Variants in VPS13C observed in about 807,000 individuals in gnomAD.
The protein encoded by VPS13C is vacuolar protein sorting 13 homolog C.
A neutral mutation model predicts 456.8 loss-of-function variants in VPS13C; 358 were observed. The ratio of observed to expected loss-of-function variants is 0.78; its 90% CI spans 0.72 to 0.86. The LOEUF (loss-of-function observed/expected upper bound fraction) is 0.86. Among genes scored for constraint, VPS13C ranks in the 40% least tolerant of loss-of-function variants. The pLI, the probability that VPS13C is intolerant of heterozygous loss-of-function variation, is 0.00. For missense variants in VPS13C, 4,818 were observed against 4,385.4 expected (o/e 1.10, Z -2.79); for synonymous variants, 1,578 against 1,486.7 (o/e 1.06, Z -1.41).
In VPS13C at chr15:61,909,099, G is replaced by A; in HGVS notation, c.8871C>T (p.Asn2957=). Residue 2957 remains asparagine (N), a synonymous_variant, in exon 65 of 85, where the codon AAC becomes AAT. Transcript: ENST00000644861. ...DLNGGILVDV[N]TAEHSTVITF... Reference sequence around the variant, plus strand: ...TTATGACAGTTGAATGTTCGGCAGTGTTTACATCCACCAAGATACCCCCAT... The same window carrying A: ...TTATGACAGTTGAATGTTCGGCAGTATTTACATCCACCAAGATACCCCCAT... 2.5e-6 allele frequency: 4 copies of A among 1,612,976 alleles called. 1 individual carries two copies. The highest frequency in any genetic ancestry group is 1.7e-6 in the Non-Finnish European group (2 of 1,179,770).
intron 3 of VPS13C, among the ~76,000 whole-genome samples, chr15:62,040,181 G>C (rs1377281075): frequency 6.6e-6 from 1 of 152,136 alleles, no homozygotes; most frequent in Non-Finnish European, 1.5e-5. Context: ...CATGGAGACA[G>C]AGAGTAGAAC....
chr15:61,883,764 A>G (rs1487654916), intron 68 of VPS13C, among the ~76,000 whole-genome samples: 3 of 152,144 alleles, frequency 2.0e-5, no homozygotes, highest in African/African-American at 4.8e-5. Context: ...TATTGGTGTC[A>G]TTCAAAATAT....
At chr15:61,990,294 G>A (rs2046184249) in intron 18 of VPS13C, among the ~76,000 whole-genome samples, 1 of 152,026 alleles carries the variant, frequency 6.6e-6, no homozygotes, top group African/African-American at 2.4e-5. Context: ...GACTTCTAAG[G>A]TGACAGCAAT....
chr15:61,855,071 T>C (rs1893832647), intron 83 of VPS13C, 117 bp from the exon 84 acceptor site: 5 of 733,498 alleles, frequency 6.8e-6, no homozygotes, highest in Non-Finnish European at 1.1e-5. Context: ...GCTAACCAAA[T>C]ACACATATTC....
At chr15:61,962,889 C>A in intron 32 of VPS13C, 37 bp from the exon 33 acceptor site, 1 of 1,391,448 alleles carries the variant, frequency 7.2e-7, no homozygotes. Flanking sequence ...TTTCTACAGA[C>A]CTACCATAAA....
At chr15:61,995,845 C>A (rs2046365339) in intron 16 of VPS13C, among the ~76,000 whole-genome samples, 1 of 152,180 alleles carries the variant, frequency 6.6e-6, no homozygotes, top group Admixed American at 6.5e-5. Context: ...CCCAGAGAAA[C>A]TCAGAGATAA....
intron 20 of VPS13C, among the ~76,000 whole-genome samples, chr15:61,983,405 T>C (rs1022600183): frequency 6.6e-6 from 1 of 152,192 alleles, no homozygotes; most frequent in Non-Finnish European, 1.5e-5. Context: ...TCAATGCTTT[T>C]TTCCCTTGTG....
At position 61,922,401 on chromosome 15, in the gene VPS13C, A is replaced by C; in HGVS notation, c.6971T>G (p.Leu2324Arg). 6.2e-7 allele frequency: 1 copy of C among 1,612,104 alleles called. No individual in the cohort carries two copies. The highest frequency in any genetic ancestry group is 8.5e-7 in the Non-Finnish European group (1 of 1,179,028). Residue 2324 changes from leucine (L) to arginine (R), a missense_variant, in exon 54 of 85, where the codon CTA becomes CGA. Around this residue, in one of 3 missense-constraint regions of VPS13C, gnomAD observed 4,552 missense variants for 4,130.6 expected, o/e 1.10. Transcript: ENST00000644861. The part of the protein sequence containing the change: ...SLMAAVADVT[L>R]QVHYYNEIHA... The stretch of plus-strand genomic sequence containing the variant: ...TATTAAGTGATGTGGCCATACCTGT[A>C]GTGTCACGTCAGCAACAGCAGCCAT...
rs183460950 is a variant in VPS13C, at chr15:61,960,232, T to C, written c.3909-637A>G. 3.0e-3 allele frequency among the ~76,000 whole-genome samples: 450 copies of C among 152,104 alleles called. 3 individuals carry two copies. Among genetic ancestry groups the C allele is most frequent in the Non-Finnish European group, 5.6e-3 (380 of 67,974 alleles). On this transcript the variant is annotated intron_variant, in intron 35 of 84. Transcript: ENST00000644861. ...ACTCAGACACAACCAAATTGAGAGG[T>C]GAGTGGAACCGGACTGTAGTCTTCA...
chr15:62,006,220 C>T (rs975825232), intron 15 of VPS13C, among the ~76,000 whole-genome samples: 2 of 151,938 alleles, frequency 1.3e-5, no homozygotes, highest in Non-Finnish European at 2.9e-5. Flanking sequence ...CATCATTTAG[C>T]ATTAGGTATA....
intron 15 of VPS13C, among the ~76,000 whole-genome samples, chr15:62,006,334 T>C (rs1026108735): frequency 2.0e-5 from 3 of 152,082 alleles, no homozygotes; most frequent in African/African-American, 7.2e-5. Flanking sequence ...AATTCCCACC[T>C]ATGAGTGAGA....
chr15:61,945,575 T>G (rs1182989672), intron 45 of VPS13C, 140 bp downstream of exon 45: 1 of 544,404 alleles, frequency 1.8e-6, no homozygotes, highest in Non-Finnish European at 3.0e-6. Context: ...AAAGGATTTC[T>G]TTAAATATTA....
intron 9 of VPS13C, 99 bp downstream of exon 9, chr15:62,020,380 T>C (rs2140563627): frequency 2.1e-6 from 2 of 954,442 alleles, no homozygotes; most frequent in Non-Finnish European, 2.9e-6. Flanking sequence ...TAAAAAATCA[T>C]AGTTCTTTGT....
chr15:62,013,926 A>G lies in VPS13C; in HGVS notation c.744+7T>C. Reference sequence around the variant, plus strand: ...AACTAACAAAAATTTTTATTCCAACATAATACCTTGTATATAATTTTGTCT... The same window carrying G: ...AACTAACAAAAATTTTTATTCCAACGTAATACCTTGTATATAATTTTGTCT... On this transcript the variant is annotated splice_region_variant and intron_variant, in intron 10 of 84. Coordinates refer to ENST00000644861, the MANE Select transcript of VPS13C (RefSeq NM_020821.3). 1 of 1,599,918 alleles carries G rather than the reference A, an allele frequency of 6.3e-7. No homozygotes were observed. The highest frequency in any genetic ancestry group is 2.2e-5 in the East Asian group (1 of 44,710).
At chr15:62,006,709 AC>A (rs1382041439) in intron 15 of VPS13C, among the ~76,000 whole-genome samples, 1 of 152,160 alleles carries the variant, frequency 6.6e-6, no homozygotes, top group Admixed American at 6.5e-5. Flanking sequence ...GAACTAGTTT[AC>A]AATCCCACCA....
In VPS13C at chr15:62,043,990, A is replaced by G. The variant is rs563187338; in HGVS notation, c.144+222T>C. On this transcript the variant is annotated intron_variant, in intron 2 of 84. Coordinates refer to ENST00000644861, the MANE Select transcript of VPS13C (RefSeq NM_020821.3). ...AAAACTATACAGTCAAATTAGATCA[A>G]CGAAAAACACTCCGTTTCCAAGAGA... Among the ~76,000 whole-genome samples, 3 of 152,320 alleles carry G rather than the reference A, an allele frequency of 2.0e-5. No individual in the cohort carries two copies. In the East Asian group the frequency reaches 5.8e-4, roughly 29 times the overall value.
At chr15:62,030,725 G>A (rs376199821) in intron 5 of VPS13C, among the ~76,000 whole-genome samples, 82 of 152,164 alleles carry the variant, frequency 5.4e-4, no homozygotes, top group African/African-American at 1.9e-3. Flanking sequence ...CAAGGAGATA[G>A]TAAGAGAAGT....
chr15:61,972,835 A>T, intron 26 of VPS13C, 71 bp from the exon 27 acceptor site: 1 of 1,445,860 alleles, frequency 6.9e-7, no homozygotes, highest in Non-Finnish European at 9.3e-7. Flanking sequence ...CTCAAATCTA[A>T]ATCTCTAAAA....
At chr15:62,002,817 A>C (rs1388578996) in intron 15 of VPS13C, among the ~76,000 whole-genome samples, 2 of 152,156 alleles carry the variant, frequency 1.3e-5, no homozygotes, top group East Asian at 3.8e-4. Flanking sequence ...TTTGTCAAAG[A>C]TCAGATAGTT....
Sources: gnomAD v4.1 joint callset for allele counts (sites outside exome capture counted in the v4.1 genomes callset) on GRCh38, gnomAD v4.1.1 for gene constraint, gnomAD v4.1.1 regional missense constraint, MANE v1.5 for transcripts, NCBI Gene and HGNC (gene_info 2026-07-23, HGNC 2026-07-21) for gene names.